The following VPS13D variants were observed in gnomAD, a reference collection of about 807,000 sequenced individuals.
The protein encoded by VPS13D is intermembrane lipid transfer protein VPS13D.
In VPS13D, 187 loss-of-function variants were observed where a neutral mutation model predicts 461.9. The observed-to-expected ratio is 0.40, with a 90% CI of 0.36 to 0.46. The LOEUF (loss-of-function observed/expected upper bound fraction) is 0.46. Among genes scored for constraint, VPS13D ranks in the 20% least tolerant of loss-of-function variants. VPS13D has a pLI of 0.60. For missense variants in VPS13D, 4,711 were observed against 5,364.9 expected, an observed-to-expected ratio of 0.88 and a Z score of 3.81; for synonymous variants, 1,951 against 1,986.3, an observed-to-expected ratio of 0.98 and a Z score of 0.47.
chr1:12,447,003 G>A (rs554013691), intron 65 of VPS13D, among the ~76,000 whole-genome samples: 6 of 152,264 alleles, frequency 3.9e-5, no homozygotes, highest in African/African-American at 1.4e-4. Context: ...CGTGGCCTCC[G>A]GAAAGGTCTG....
chr1:12,415,235 A>G lies in VPS13D; in HGVS notation c.12165+14A>G, dbSNP rs780700750. ...CATTTCCAGGAGGTGAGGCTTGGAGAAGTAATCATTGGCTGGAGCATAAGC... is the reference window on the plus strand; with the variant it reads ...CATTTCCAGGAGGTGAGGCTTGGAGGAGTAATCATTGGCTGGAGCATAAGC... On this transcript the variant is annotated intron_variant, in intron 64 of 69. Transcript: ENST00000620676. 2 of 1,613,644 alleles carry G rather than the reference A, an allele frequency of 1.2e-6. No homozygotes were observed. The highest frequency in any genetic ancestry group is 2.7e-5 in the African/African-American group (2 of 74,902).
Position 12,278,032 on chromosome 1 carries a change from G to T in VPS13D, c.4444G>T (p.Gly1482Cys). ...TGATTTCTTTGAATCTTTGCATAGA[G>T]GTCAAGGTGAGGAGCATCAGTCTTT... Reference protein sequence around the residue: ...RHDFFESLHRGQAFHILNNTT... With the variant: ...RHDFFESLHRCQAFHILNNTT... The change falls in exon 19 of 70, where the codon GGT (glycine) becomes TGT (cysteine). Residue 1482 changes from glycine (G) to cysteine (C), a missense_variant. Physicochemically the swap from Gly to Cys is radical, Grantham distance 159. Transcript: ENST00000620676. The T allele has an allele frequency of 1.2e-6, 2 of 1,610,212 alleles. No individual in the cohort carries two copies. Among genetic ancestry groups the T allele is most frequent in the Non-Finnish European group, 1.7e-6 (2 of 1,177,936 alleles).
chr1:12,416,670 G>C lies in VPS13D; in HGVS notation c.12176G>C (p.Ser4059Thr). Residue 4059 changes from serine (S) to threonine (T), a missense_variant, in exon 65 of 70, where the codon AGC (serine) becomes ACC (threonine). Transcript: ENST00000620676. ...TGTTCCATTTGGCAGGAACTCCTCAGCCAGGCAGCTCGAATCCTGGGATCA... is the reference window on the plus strand; with the variant it reads ...TGTTCCATTTGGCAGGAACTCCTCACCCAGGCAGCTCGAATCCTGGGATCA... Reference protein sequence around the residue: ...ILKHFQEELLSQAARILGSVD... With the variant: ...ILKHFQEELLTQAARILGSVD... 6.2e-7 allele frequency: 1 copy of C among 1,613,594 alleles called. No individual in the cohort carries two copies. Among genetic ancestry groups the C allele is most frequent in the Non-Finnish European group, 8.5e-7 (1 of 1,179,818 alleles).
intron 65 of VPS13D, among the ~76,000 whole-genome samples, chr1:12,449,153 G>A (rs529802690): frequency 6.6e-6 from 1 of 151,994 alleles, no homozygotes; most frequent in African/African-American, 2.4e-5. Flanking sequence ...AAAAAGCAAG[G>A]TCATTGGCTT....
intron 58 of VPS13D, 86 bp downstream of exon 58, chr1:12,383,241 A>G (rs1370828931): frequency 9.0e-6 from 12 of 1,339,356 alleles, no homozygotes; most frequent in Non-Finnish European, 1.2e-5. Context: ...CTTATTGAAC[A>G]TGTTTATGCC....
intron 27 of VPS13D, 128 bp from the exon 28 acceptor site, chr1:12,311,326 A>G (rs1218928508): frequency 1.3e-6 from 1 of 797,696 alleles, no homozygotes; most frequent in African/African-American, 1.8e-5. Context: ...AATTTTTGTC[A>G]TTGGAAGTAG....
chr1:12,329,046 C>T (rs529002066), intron 36 of VPS13D, among the ~76,000 whole-genome samples: 85 of 152,268 alleles, frequency 5.6e-4, no homozygotes, highest in African/African-American at 2.0e-3. Context: ...AAAGTGACAA[C>T]TGGAATTTTG....
chr1:12,379,188 C>T (rs1275520848), intron 56 of VPS13D, among the ~76,000 whole-genome samples: 2 of 152,208 alleles, frequency 1.3e-5, no homozygotes, highest in African/African-American at 4.8e-5. Context: ...AGCAGCTATT[C>T]CTTCCATACT....
At chr1:12,358,141 T>C (rs1427298453) in intron 49 of VPS13D, among the ~76,000 whole-genome samples, 4 of 152,238 alleles carry the variant, frequency 2.6e-5, no homozygotes, top group Non-Finnish European at 5.9e-5. Flanking sequence ...TTGAATTCTT[T>C]ATTTTTAGGG....
chr1:12,344,437 C>A (rs1643633557), intron 42 of VPS13D, among the ~76,000 whole-genome samples: 1 of 152,100 alleles, frequency 6.6e-6, no homozygotes, highest in African/African-American at 2.4e-5. Flanking sequence ...CTATGCTGGG[C>A]ACACATGTGC....
intron 67 of VPS13D, among the ~76,000 whole-genome samples, chr1:12,468,830 C>T (rs541805279): frequency 5.9e-5 from 9 of 152,126 alleles, no homozygotes; most frequent in African/African-American, 9.7e-5. Context: ...CTCACAAGCT[C>T]GAGACCAGCC....
At chr1:12,321,400 T>C (rs1557707734) in intron 32 of VPS13D, among the ~76,000 whole-genome samples, 1 of 152,226 alleles carries the variant, frequency 6.6e-6, no homozygotes, top group Non-Finnish European at 1.5e-5. Flanking sequence ...CTTCTTAAAA[T>C]CCATATGGTC....
intron 67 of VPS13D, among the ~76,000 whole-genome samples, chr1:12,492,611 G>C (rs561836822): frequency 6.6e-6 from 1 of 152,310 alleles, no homozygotes; most frequent in African/African-American, 2.4e-5. Flanking sequence ...CTTGTTAAGT[G>C]AACGTTTATA....
At chr1:12,303,526 C>T (rs1642480770) in intron 25 of VPS13D, among the ~76,000 whole-genome samples, 1 of 152,170 alleles carries the variant, frequency 6.6e-6, no homozygotes, top group South Asian at 2.1e-4. Flanking sequence ...TAAATAATGA[C>T]ATTTACCTAG....
rs769738846 is a variant in VPS13D at position 12,242,549 on chromosome 1, A to G, written c.134A>G (p.Asp45Gly). Residue 45 changes from aspartate to glycine, a missense_variant, in exon 3 of 70, where the codon GAT (aspartate) becomes GGT (glycine). Transcript: ENST00000620676. Reference sequence around the variant, plus strand: ...TTAGAAAACTTGCCATTAAAGAAAGATGCCTTGAAAGAATTGGAATTACCA... The same window carrying G: ...TTAGAAAACTTGCCATTAAAGAAAGGTGCCTTGAAAGAATTGGAATTACCA... ...VELENLPLKK[D>G]ALKELELPFE... 1.2e-6 allele frequency: 2 copies of G among 1,614,112 alleles called. No homozygotes were observed. The highest frequency in any genetic ancestry group is 2.2e-5 in the East Asian group (1 of 44,898).
intron 68 of VPS13D, chr1:12,500,002 C>A: frequency 1.0e-6 from 1 of 985,386 alleles, no homozygotes; most frequent in Non-Finnish European, 1.2e-6. Context: ...ATCTTTAATA[C>A]CTTGCTCTAC....
intron 67 of VPS13D, among the ~76,000 whole-genome samples, chr1:12,475,904 A>G (rs1429528933): frequency 6.6e-6 from 1 of 152,224 alleles, no homozygotes; most frequent in Non-Finnish European, 1.5e-5. Context: ...AAAAAAAACA[A>G]AAAACAAAAA....
intron 5 of VPS13D, 32 bp downstream of exon 5, chr1:12,244,649 A>G (rs759659139): frequency 1.3e-6 from 2 of 1,584,310 alleles, no homozygotes; most frequent in South Asian, 2.2e-5. Context: ...AAAAGTATCA[A>G]CGTGAAAGGG....
intron 20 of VPS13D, 113 bp from the exon 21 acceptor site, chr1:12,282,592 A>G: frequency 9.9e-7 from 1 of 1,012,322 alleles, no homozygotes; most frequent in Non-Finnish European, 1.5e-6. Flanking sequence ...CTTTGCTATC[A>G]GGTAACTTAC....
Sources: gnomAD v4.1 joint callset for allele counts (sites outside exome capture counted in the v4.1 genomes callset) on GRCh38, gnomAD v4.1.1 for gene constraint, MANE v1.5 for transcripts, NCBI Gene and HGNC (gene_info 2026-07-23, HGNC 2026-07-21) for gene names.